Variants in SLC39A12 observed in about 807,000 individuals in gnomAD.
SLC39A12 encodes the protein zinc transporter ZIP12.
SLC39A12 carries 63 observed loss-of-function variants against 71.1 expected under a neutral mutation model. That is an observed-to-expected ratio of 0.89 (90% CI 0.72 to 1.09). SLC39A12 has a LOEUF of 1.09. SLC39A12 is among the 50% of genes least tolerant of loss of function. The pLI, the probability that SLC39A12 is intolerant of heterozygous loss-of-function variation, is 0.00. For missense variants in SLC39A12, 892 were observed against 812.6 expected, an observed-to-expected ratio of 1.10 and a Z score of -1.19; for synonymous variants, 351 against 301.3, an observed-to-expected ratio of 1.16 and a Z score of -1.71.
chr10:17,993,349 C>T (rs200658373), intron 9 of SLC39A12, 58 bp downstream of exon 9: 5 of 1,156,290 alleles, frequency 4.3e-6, no homozygotes, highest in Middle Eastern at 3.8e-4. Flanking sequence ...CTTTATTCCT[C>T]AATGAACAAA....
Position 17,991,210 on chromosome 10 carries a change from T to C in SLC39A12, c.1329T>C (p.Gly443=). ...PEFGHFHESK[G]HIWKLMGLIG... ...TTGGGCATTTCCATGAAAGCAAAGG[T>C]CATATTTGGAAACTGATGGGATTAA... is the stretch of plus-strand genomic sequence containing the variant. The change falls in exon 8 of 13, where the codon GGT becomes GGC. Residue 443 remains glycine, a synonymous_variant. Transcript: ENST00000377369. 1 of 1,597,402 alleles carries C rather than the reference T, an allele frequency of 6.3e-7. No individual in the cohort carries two copies. The highest frequency in any genetic ancestry group is 8.5e-7 in the Non-Finnish European group (1 of 1,173,926).
At chr10:17,971,611 A>G (rs1454709311) in intron 4 of SLC39A12, among the ~76,000 whole-genome samples, 1 of 151,864 alleles carries the variant, frequency 6.6e-6, no homozygotes, top group Non-Finnish European at 1.5e-5. Context: ...GATTTTTCAA[A>G]TTTATTGGCG....
intron 12 of SLC39A12, among the ~76,000 whole-genome samples, chr10:18,019,858 G>A (rs1836484164): frequency 6.6e-6 from 1 of 152,034 alleles, no homozygotes; most frequent in South Asian, 2.1e-4. Flanking sequence ...CACGTGAGCT[G>A]GGGAAGAATT....
chr10:18,040,469 C>T (rs897252065), intron 12 of SLC39A12, among the ~76,000 whole-genome samples: 14 of 152,066 alleles, frequency 9.2e-5, no homozygotes, highest in Admixed American at 7.9e-4. Context: ...TCTCCATGTA[C>T]TTAAAAATGT....
chr10:18,019,428 T>A (rs1836470287), intron 12 of SLC39A12, among the ~76,000 whole-genome samples: 1 of 152,022 alleles, frequency 6.6e-6, no homozygotes, highest in African/African-American at 2.4e-5. Context: ...CTGCTTACTT[T>A]TAGATTTAAT....
chr10:18,005,934 C>G lies in SLC39A12; in HGVS notation c.1947+2576C>G, dbSNP rs553580404. 3.9e-5 allele frequency: 6 copies of G among 152,272 alleles called. No homozygotes were observed. In the South Asian group the frequency reaches 8.3e-4, roughly 21 times the overall value. 9.4% of individuals were successfully genotyped at this position (152,272 alleles called of 1,614,324 possible). The stretch of plus-strand genomic sequence containing the variant: ...GCTCTCACGGCCTTCTGAGCAACTT[C>G]TAAACAAACGCAGCTCTTTCACATA... On this transcript the variant is annotated intron_variant, in intron 12 of 12. Transcript: ENST00000377369.
At position 18,014,576 on chromosome 10, in the gene SLC39A12, G is replaced by T. The variant is rs1274970924; in HGVS notation, c.1947+11218G>T. ...CAGAAATCAAAATTTAGCTCATTCA[G>T]TGTCTGTTTTTCCCTTCTTCAATTT... On this transcript the variant is annotated intron_variant, in intron 12 of 12. Transcript: ENST00000377369. Among the ~76,000 whole-genome samples, 3 of 152,100 alleles carry T rather than the reference G, an allele frequency of 2.0e-5. No homozygotes were observed. In the East Asian group the frequency reaches 5.8e-4, roughly 29 times the overall value.
At chr10:17,984,377 A>C (rs1416189438) in intron 6 of SLC39A12, among the ~76,000 whole-genome samples, 4 of 152,212 alleles carry the variant, frequency 2.6e-5, no homozygotes, top group Non-Finnish European at 5.9e-5. Flanking sequence ...ATAACTAAAG[A>C]AGTTTCAACT....
rs1835807611 is a variant in SLC39A12 at position 18,000,649 on chromosome 10, GTT to G, written c.1601-16_1601-15del. 1.2e-6 allele frequency: 2 copies of G among 1,613,620 alleles called. No individual in the cohort carries two copies. Among genetic ancestry groups the G allele is most frequent in the Non-Finnish European group, 1.7e-6 (2 of 1,179,650 alleles). ...AGTGCTCTGTTAATGCTTCTTCTGT[GTT>G]TATTTGGTTCCTTAGGTAAAGCCAT... On this transcript the variant is annotated splice_polypyrimidine_tract_variant and intron_variant, in intron 10 of 12. Coordinates refer to ENST00000377369, the MANE Select transcript of SLC39A12 (RefSeq NM_001145195.2).
intron 4 of SLC39A12, among the ~76,000 whole-genome samples, chr10:17,970,962 TTGAGA>T (rs1476939212): frequency 3.9e-5 from 6 of 152,236 alleles, no homozygotes; most frequent in African/African-American, 1.2e-4. Flanking sequence ...TTTTATTATG[TTGAGA>T]TATGTTCCTT....
chr10:17,967,895 A>AT (rs1834871105), intron 4 of SLC39A12, among the ~76,000 whole-genome samples: 8 of 116,900 alleles, frequency 6.8e-5, no homozygotes, highest in Non-Finnish European at 1.0e-4. Context: ...TCAAAAAAAA[A>AT]AAAATATATA....
intron 2 of SLC39A12, among the ~76,000 whole-genome samples, chr10:17,958,040 A>G (rs573060146): frequency 6.6e-6 from 1 of 152,356 alleles, no homozygotes; most frequent in East Asian, 1.9e-4. Context: ...GCCAGAAACC[A>G]ATTGTACCTT....
chr10:18,010,986 A>C (rs770675880), intron 12 of SLC39A12, among the ~76,000 whole-genome samples: 6 of 151,830 alleles, frequency 4.0e-5, no homozygotes, highest in Non-Finnish European at 8.8e-5. Flanking sequence ...TTATGATTTT[A>C]TTTTCTTTTC....
At chr10:17,957,687 G>A (rs904722545) in intron 2 of SLC39A12, among the ~76,000 whole-genome samples, 15 of 152,090 alleles carry the variant, frequency 9.9e-5, no homozygotes, top group African/African-American at 3.6e-4. Flanking sequence ...GCGTCGAACT[G>A]AAAATTCCAG....
intron 12 of SLC39A12, chr10:18,005,566 A>G (rs561936762): frequency 6.6e-6 from 1 of 152,328 alleles, no homozygotes; most frequent in Non-Finnish European, 1.5e-5. Flanking sequence ...TCTCTCTTCA[A>G]GTAGGATGAA....
chr10:17,967,504 A>C (rs1834856850), intron 4 of SLC39A12, among the ~76,000 whole-genome samples: 1 of 152,188 alleles, frequency 6.6e-6, no homozygotes. Context: ...GGGAAGGTAA[A>C]AATAAATTCT....
In SLC39A12 at chr10:17,992,037, C is replaced by T. The variant is rs1196687016; in HGVS notation, c.1422+734C>T. Among the ~76,000 whole-genome samples, 5 of 144,498 alleles carry T rather than the reference C, an allele frequency of 3.5e-5. No individual in the cohort carries two copies. The Admixed American group carries it at 3.6e-4, about 10-fold the overall frequency. The allele number at this position is 144,498 out of a possible 152,430, so 94.8% of individuals were successfully genotyped here. On this transcript the variant is annotated intron_variant, in intron 8 of 12. Transcript: ENST00000377369. ...CCAAGAGGTAGAGGTTGCAGTGAGC[C>T]GAGATCGCGCCACTACACTCCAGCC...
At chr10:17,962,885 G>A (rs1172129007) in intron 3 of SLC39A12, among the ~76,000 whole-genome samples, 2 of 152,168 alleles carry the variant, frequency 1.3e-5, no homozygotes, top group African/African-American at 4.8e-5. Context: ...GCCCAGTGCA[G>A]TGGCTCATAC....
intron 12 of SLC39A12, among the ~76,000 whole-genome samples, chr10:18,018,002 C>T (rs1466574428): frequency 2.0e-5 from 3 of 152,198 alleles, no homozygotes; most frequent in African/African-American, 7.2e-5. Context: ...GATATACAGT[C>T]TTCCTACCCT....
Sources: gnomAD v4.1 joint callset for allele counts (sites outside exome capture counted in the v4.1 genomes callset) on GRCh38, gnomAD v4.1.1 for gene constraint, MANE v1.5 for transcripts, NCBI Gene and HGNC (gene_info 2026-07-23, HGNC 2026-07-21) for gene names.